The following NKD1 variants were observed in gnomAD, a reference collection of about 807,000 sequenced individuals.
The protein encoded by NKD1 is NKD inhibitor of Wnt signaling pathway 1.
In NKD1, 21 loss-of-function variants were observed where a neutral mutation model predicts 56.0. That is an observed-to-expected ratio of 0.38 (90% confidence interval 0.27 to 0.54). NKD1 has a LOEUF of 0.54. Ranked by LOEUF, NKD1 falls within the 20% of genes least tolerant of loss-of-function variation. NKD1 has a pLI of 0.82. For missense variants in NKD1, 578 were observed against 642.7 expected (o/e 0.90, Z 1.09); for synonymous variants, 263 against 265.7 (o/e 0.99, Z 0.10).
chr16:50,594,728 A>G (rs1439698980), intron 3 of NKD1, among the ~76,000 whole-genome samples: 1 of 151,200 alleles, frequency 6.6e-6, no homozygotes, highest in Non-Finnish European at 1.5e-5. Flanking sequence ...GAGTCTGCAG[A>G]CATAGCCCTA....
In NKD1 at chr16:50,549,161, CCCTGGTCTGAT is replaced by C. The variant is rs1190466239; in HGVS notation, c.59-257_59-247del. On this transcript the variant is annotated intron_variant, in intron 2 of 9. Transcript: ENST00000268459. ...CTCCGCAGTCCTGGCTGCCAGTGCTCCCTGGTCTGATCCTAAACCCGTCCTCCTGGGGTACT... is the reference window on the plus strand; with the variant it reads ...CTCCGCAGTCCTGGCTGCCAGTGCTCCCTAAACCCGTCCTCCTGGGGTACT... 2.0e-5 allele frequency among the ~76,000 whole-genome samples: 3 copies of C among 151,218 alleles called. No homozygotes were observed. The South Asian group carries it at 6.4e-4, about 32-fold the overall frequency.
In NKD1 at chr16:50,598,262, T is replaced by TGCGCGCGC. The variant is rs1555489626; in HGVS notation, c.193-10026_193-10025insGCGCGCGC. Among the ~76,000 whole-genome samples the TGCGCGCGC allele has an allele frequency of 1.3e-3, 197 of 148,640 alleles. No individual in the cohort carries two copies. The highest frequency in any genetic ancestry group is 3.0e-3 in the African/African-American group (118 of 39,144). ...GTGTGTGTGTGTGTGTGTGTGTGTG[T>TGCGCGCGC]GCGCGCACACCTGTGCTCATGGACA... On this transcript the variant is annotated intron_variant, in intron 3 of 9. Transcript: ENST00000268459. This position sits in a 1 kb window ranked among gnomAD's most constrained non-coding sequence, Gnocchi z 4.2.
chr16:50,555,194 G>A (rs1960474904), intron 3 of NKD1, among the ~76,000 whole-genome samples: 1 of 152,176 alleles, frequency 6.6e-6, no homozygotes, highest in African/African-American at 2.4e-5. Context: ...TGCCCTGGTA[G>A]GATGGGGTTG....
chr16:50,633,130 G>A lies in NKD1; in HGVS notation c.824-62G>A. ...ACTGGGGGCGGGGGTGATGTCTGGG[G>A]TATAGCGCAAGCCCCAGCACACAGT... On this transcript the variant is annotated intron_variant, in intron 9 of 9. Transcript: ENST00000268459. The surrounding 1 kb of genome is among the most constrained non-coding windows in gnomAD (Gnocchi z 4.9). 1 of 1,471,424 alleles carries A rather than the reference G, an allele frequency of 6.8e-7. No homozygotes were observed. The highest frequency in any genetic ancestry group is 9.2e-7 in the Non-Finnish European group (1 of 1,089,002). The allele number at this position is 1,471,424 out of a possible 1,614,324, so 91.1% of individuals were successfully genotyped here.
chr16:50,578,259 T>C (rs1961031810), intron 3 of NKD1, among the ~76,000 whole-genome samples: 1 of 152,204 alleles, frequency 6.6e-6, no homozygotes, highest in South Asian at 2.1e-4. Context: ...GTACCACTTC[T>C]GCTCATGTTC....
intron 3 of NKD1, among the ~76,000 whole-genome samples, chr16:50,567,707 G>A (rs537862035): frequency 6.6e-6 from 1 of 152,328 alleles, no homozygotes; most frequent in African/African-American, 2.4e-5. Flanking sequence ...TCCCAGCCAT[G>A]GCTCCGCTAC....
Position 50,632,869 on chromosome 16 carries a change from C to T in NKD1, c.824-323C>T, listed in dbSNP as rs187546778. On this transcript the variant is annotated intron_variant, in intron 9 of 9. Transcript: ENST00000268459. This position sits in a 1 kb window ranked among gnomAD's most constrained non-coding sequence, Gnocchi z 4.1. ...TGTTTAATTCCTCTATGAGTTACTTCTGTATGTTTTTAGCAATATACTTAG... is the reference window on the plus strand; with the variant it reads ...TGTTTAATTCCTCTATGAGTTACTTTTGTATGTTTTTAGCAATATACTTAG... 3.2e-4 allele frequency among the ~76,000 whole-genome samples: 48 copies of T among 152,334 alleles called. No homozygotes were observed. The highest frequency in any genetic ancestry group is 1.1e-3 in the African/African-American group (46 of 41,574).
intron 3 of NKD1, chr16:50,574,194 A>G: frequency 1.0e-6 from 1 of 984,294 alleles, no homozygotes; most frequent in Non-Finnish European, 1.2e-6. Context: ...CCTCACCACT[A>G]CCTCTTCTGG....
At chr16:50,578,387 A>C (rs1446967974) in intron 3 of NKD1, among the ~76,000 whole-genome samples, 3 of 152,122 alleles carry the variant, frequency 2.0e-5, no homozygotes, top group African/African-American at 7.2e-5. Flanking sequence ...GGAAGTAGGA[A>C]TATTTGGGGG....
At chr16:50,608,846 A>G (rs894417352) in intron 4 of NKD1, among the ~76,000 whole-genome samples, 5 of 152,214 alleles carry the variant, frequency 3.3e-5, no homozygotes, top group African/African-American at 9.6e-5. Flanking sequence ...TTCCTTTCTT[A>G]AGATGGGGTC....
chr16:50,574,950 G>T (rs1292291500), intron 3 of NKD1: 12 of 975,100 alleles, frequency 1.2e-5, no homozygotes, highest in Non-Finnish European at 1.4e-5. Flanking sequence ...TTAAACATCA[G>T]AATTGGCTTA....
rs1387395241 is a variant in NKD1 at position 50,644,050 on chromosome 16, A to G, written c.*10269A>G. On this transcript the variant is annotated 3_prime_UTR_variant, in exon 10 of 10. Coordinates refer to ENST00000268459, the MANE Select transcript of NKD1 (RefSeq NM_033119.5). ...GATGAGAACTGAACCACGAAAGCAGAGCATCATCTTGTTCGACCTCAGTTG... is the reference window on the plus strand; with the variant it reads ...GATGAGAACTGAACCACGAAAGCAGGGCATCATCTTGTTCGACCTCAGTTG... 6.6e-6 allele frequency: 1 copy of G among 152,272 alleles called. No individual in the cohort carries two copies. The highest frequency in any genetic ancestry group is 3.2e-3 in the Middle Eastern group (1 of 316). 9.4% of individuals were successfully genotyped at this position (152,272 alleles called of 1,614,324 possible).
rs905772349 is a variant in NKD1, at chr16:50,633,902, T to C, written c.*121T>C. 6 of 556,224 alleles carry C rather than the reference T, an allele frequency of 1.1e-5. No homozygotes were observed. Among genetic ancestry groups the C allele is most frequent in the Non-Finnish European group, 1.6e-5 (5 of 320,218 alleles). 34.5% of individuals were successfully genotyped at this position (556,224 alleles called of 1,614,324 possible). A position where few individuals can be genotyped will look rare whatever the true frequency, so the allele number is the denominator to read the frequency against. ...TATTGTTATTAATAATTATTGTTACTCCACTAATATTTAGCTAGCCTACAT... is the reference window on the plus strand; with the variant it reads ...TATTGTTATTAATAATTATTGTTACCCCACTAATATTTAGCTAGCCTACAT... On this transcript the variant is annotated 3_prime_UTR_variant, in exon 10 of 10. Transcript: ENST00000268459. The surrounding 1 kb of genome is among the most constrained non-coding windows in gnomAD (Gnocchi z 4.9).
chr16:50,556,375 A>G (rs1960504766), intron 3 of NKD1: 1 of 152,322 alleles, frequency 6.6e-6, no homozygotes, highest in Non-Finnish European at 1.5e-5. Context: ...TGTGGGCACC[A>G]GTCGTGGGGC....
At chr16:50,629,965 T>G (rs1962305898) in intron 6 of NKD1, among the ~76,000 whole-genome samples, 1 of 152,036 alleles carries the variant, frequency 6.6e-6, no homozygotes. Context: ...CCCTTTTCCT[T>G]TTCTCTTATG....
chr16:50,584,063 T>G (rs1389664353), intron 3 of NKD1, among the ~76,000 whole-genome samples: 1 of 152,204 alleles, frequency 6.6e-6, no homozygotes, highest in Non-Finnish European at 1.5e-5. Flanking sequence ...TAGTTATTCC[T>G]CCCACATCTG....
At chr16:50,601,060 C>T (rs1038966819) in intron 3 of NKD1, among the ~76,000 whole-genome samples, 2 of 152,242 alleles carry the variant, frequency 1.3e-5, no homozygotes, top group African/African-American at 4.8e-5. Context: ...AGGCCTGGTC[C>T]TTGCAGGCCA....
rs968218645 is a variant in NKD1 at position 50,623,221 on chromosome 16, C to CCGAT, written c.366+1515_366+1518dup. On this transcript the variant is annotated intron_variant, in intron 5 of 9. Transcript: ENST00000268459. This position sits in a 1 kb window ranked among gnomAD's most constrained non-coding sequence, Gnocchi z 4.1. The stretch of plus-strand genomic sequence containing the variant: ...GCCCTGTGTGCAGGGTCTCTGGTGA[C>CCGAT]CGATCTTACCCCCTTTCCAGTGTCA... Among the ~76,000 whole-genome samples the CCGAT allele has an allele frequency of 4.0e-5, 6 of 151,828 alleles. No homozygotes were observed. The highest frequency in any genetic ancestry group is 1.5e-4 in the African/African-American group (6 of 41,372).
chr16:50,597,573 G>A (rs1236478079), intron 3 of NKD1, among the ~76,000 whole-genome samples: 3 of 152,170 alleles, frequency 2.0e-5, no homozygotes, highest in East Asian at 1.9e-4. Context: ...GAAGTGGAGC[G>A]TGGCCTTCCA....
Sources: gnomAD v4.1 joint callset for allele counts (sites outside exome capture counted in the v4.1 genomes callset) on GRCh38, gnomAD v4.1.1 for gene constraint, Gnocchi (gnomAD v3.1) non-coding constraint, MANE v1.5 for transcripts, NCBI Gene and HGNC (gene_info 2026-07-23, HGNC 2026-07-21) for gene names.